CCDC178: variants seen among roughly 807,000 people sequenced by gnomAD.
The protein encoded by CCDC178 is coiled-coil domain-containing protein 178.
In CCDC178, 126 loss-of-function variants were observed where a neutral mutation model predicts 117.4. The ratio of observed to expected loss-of-function variants is 1.07; its 90% CI spans 0.93 to 1.24. The LOEUF (loss-of-function observed/expected upper bound fraction) is 1.24, where lower values mean the gene tolerates loss of function less well. CCDC178 is among the 50% of genes most tolerant of loss of function. The probability of loss-of-function intolerance (pLI) is 0.00; values close to 1 mark genes in which losing one functional copy is unlikely to be tolerated. For synonymous variants in CCDC178, 283 were observed against 313.4 expected, an observed-to-expected ratio of 0.90 and a Z score of 1.02; for missense variants, 1,030 against 986.9, an observed-to-expected ratio of 1.04 and a Z score of -0.59.
chr18:33,065,562 A>G (rs892711462), intron 21 of CCDC178, among the ~76,000 whole-genome samples: 1 of 152,182 alleles, frequency 6.6e-6, no homozygotes, highest in Non-Finnish European at 1.5e-5. Context: ...AAAAAGATAT[A>G]CATGTTCAGA....
chr18:33,099,734 T>C (rs1226302189), intron 20 of CCDC178, among the ~76,000 whole-genome samples: 2 of 152,000 alleles, frequency 1.3e-5, no homozygotes, highest in African/African-American at 2.4e-5. Context: ...TTCTCCCTAG[T>C]GTTTCCAAGA....
At chr18:33,419,555 A>G (rs1387257136) in intron 2 of CCDC178, among the ~76,000 whole-genome samples, 1 of 152,236 alleles carries the variant, frequency 6.6e-6, no homozygotes, top group Admixed American at 6.5e-5. Context: ...TCTAATTTCC[A>G]GAATCTATAA....
At chr18:33,429,240 T>C (rs1428854289) in intron 2 of CCDC178, among the ~76,000 whole-genome samples, 1 of 151,660 alleles carries the variant, frequency 6.6e-6, no homozygotes, top group African/African-American at 2.4e-5. Flanking sequence ...AAAAATGAAA[T>C]ATCCAAACAG....
chr18:33,414,226 T>C (rs2063901012), intron 2 of CCDC178, among the ~76,000 whole-genome samples: 1 of 152,166 alleles, frequency 6.6e-6, no homozygotes. Flanking sequence ...GTTAGAAATC[T>C]GTGAACTGAA....
In CCDC178 at chr18:33,261,104, G is replaced by A. The variant is rs532136074; in HGVS notation, c.1409+5812C>T. ...TTCTGTTTGTTTGTTTGTTTGTTGA[G>A]ACACAGTCTCGCTCTGTCGCCCAGG... On this transcript the variant is annotated intron_variant, in intron 14 of 22. Transcript: ENST00000383096. Among the ~76,000 whole-genome samples, 38 of 113,432 alleles carry A rather than the reference G, an allele frequency of 3.4e-4. 1 individual carries two copies. In the South Asian group the frequency reaches 0.011, roughly 33 times the overall value. The allele number at this position is 113,432 out of a possible 152,430, so 74.4% of individuals were successfully genotyped here.
chr18:33,131,271 A>T (rs906217616), intron 20 of CCDC178, among the ~76,000 whole-genome samples: 1 of 151,898 alleles, frequency 6.6e-6, no homozygotes. Flanking sequence ...AGTTTTCTAC[A>T]TGCAGCACAG....
chr18:33,192,332 CA>C (rs2058868831), intron 20 of CCDC178, among the ~76,000 whole-genome samples: 1 of 152,092 alleles, frequency 6.6e-6, no homozygotes, highest in Admixed American at 6.5e-5. Flanking sequence ...AGCAGCTGAA[CA>C]AAGGACTTCA....
intron 2 of CCDC178, among the ~76,000 whole-genome samples, chr18:33,414,090 AGATAATATAT>A (rs2063898701): frequency 6.6e-6 from 1 of 152,240 alleles, no homozygotes; most frequent in Non-Finnish European, 1.5e-5. Context: ...CAAAATTACC[AGATAATATAT>A]CACTAGAAAA....
At chr18:33,219,956 T>C (rs572617937) in intron 18 of CCDC178, among the ~76,000 whole-genome samples, 2 of 152,068 alleles carry the variant, frequency 1.3e-5, no homozygotes, top group South Asian at 4.1e-4. Flanking sequence ...ATTGACTTTC[T>C]CCCCTTTCCT....
chr18:33,420,299 G>T (rs2064006422), intron 2 of CCDC178, among the ~76,000 whole-genome samples: 1 of 152,128 alleles, frequency 6.6e-6, no homozygotes, highest in African/African-American at 2.4e-5. Context: ...GGTGAGGGAG[G>T]AAGGTGAGGA....
chr18:33,230,811 T>C (rs1454314639), intron 15 of CCDC178, among the ~76,000 whole-genome samples: 2 of 152,186 alleles, frequency 1.3e-5, no homozygotes, highest in Non-Finnish European at 2.9e-5. Flanking sequence ...ATGCAATATA[T>C]ATTCCTAAAG....
rs1407009481 is a variant in CCDC178, at chr18:33,293,611, G to A, written c.1023-299C>T. ...GCCCAGGAGGTTGAGGCTGTAGTGAGCTGTGATTGATCCACTGTACTCCAG... is the reference window on the plus strand; with the variant it reads ...GCCCAGGAGGTTGAGGCTGTAGTGAACTGTGATTGATCCACTGTACTCCAG... On this transcript the variant is annotated intron_variant, in intron 11 of 22. Transcript: ENST00000383096. 8.5e-5 allele frequency among the ~76,000 whole-genome samples: 13 copies of A among 152,148 alleles called. 1 individual carries two copies. Among genetic ancestry groups the A allele is most frequent in the Admixed American group, 8.5e-4 (13 of 15,266 alleles).
chr18:33,014,604 G>A lies in CCDC178; in HGVS notation c.2389-39923C>T, dbSNP rs531969566. Among the ~76,000 whole-genome samples the A allele has an allele frequency of 9.2e-5, 14 of 152,178 alleles. No homozygotes were observed. In the East Asian group the frequency reaches 1.2e-3, roughly 13 times the overall value. Reference sequence around the variant, plus strand: ...GGACCTGTATAAGCAGGAAGTAAAGGAAAAGACATAATTATAACCTACTAT... The same window carrying A: ...GGACCTGTATAAGCAGGAAGTAAAGAAAAAGACATAATTATAACCTACTAT... On this transcript the variant is annotated intron_variant, in intron 21 of 22. Transcript: ENST00000383096.
rs562316784 is a variant in CCDC178, at chr18:33,218,367, G to A, written c.1933-2672C>T. Among the ~76,000 whole-genome samples, 4 of 152,150 alleles carry A rather than the reference G, an allele frequency of 2.6e-5. No homozygotes were observed. In the East Asian group the frequency reaches 7.7e-4, roughly 29 times the overall value. ...TGGATATTAGCCCTTTGTCAGATGG[G>A]TAGATTGTAAAAATTTCCTCCCATT... On this transcript the variant is annotated intron_variant, in intron 18 of 22. Transcript: ENST00000383096.
chr18:33,047,331 C>T (rs941893499), intron 21 of CCDC178, among the ~76,000 whole-genome samples: 10 of 152,164 alleles, frequency 6.6e-5, no homozygotes, highest in South Asian at 2.1e-4. Flanking sequence ...TCTCCCATAA[C>T]GTCTGTGTCT....
intron 11 of CCDC178, among the ~76,000 whole-genome samples, chr18:33,315,468 C>G (rs2144971337): frequency 6.6e-6 from 1 of 152,290 alleles, no homozygotes; most frequent in East Asian, 1.9e-4. Context: ...TTCCTGAGCC[C>G]TTTAGCTACC....
chr18:33,173,057 T>G (rs1331612985), intron 20 of CCDC178, among the ~76,000 whole-genome samples: 1 of 152,082 alleles, frequency 6.6e-6, no homozygotes, highest in Non-Finnish European at 1.5e-5. Flanking sequence ...TTAGTTTTTG[T>G]TTTTGTTTTT....
intron 21 of CCDC178, among the ~76,000 whole-genome samples, chr18:33,053,430 G>A (rs757684074): frequency 2.4e-4 from 37 of 152,232 alleles, no homozygotes; most frequent in Middle Eastern, 3.4e-3. Flanking sequence ...AATGGTGGAC[G>A]GACATAGGTA....
intron 15 of CCDC178, among the ~76,000 whole-genome samples, chr18:33,238,124 T>C (rs746488528): frequency 6.6e-5 from 10 of 152,128 alleles, no homozygotes; most frequent in Non-Finnish European, 1.3e-4. Flanking sequence ...TCTAAAAAAC[T>C]GATACCCCAA....
Sources: allele counts gnomAD v4.1 joint callset (sites outside exome capture counted in the v4.1 genomes callset), GRCh38; gene constraint gnomAD v4.1.1; transcripts MANE v1.5; gene names NCBI Gene and HGNC (gene_info 2026-07-23, HGNC 2026-07-21).